The following TRMT61B variants were observed in gnomAD, a reference collection of about 807,000 sequenced individuals.
The protein encoded by TRMT61B is tRNA methyltransferase 61B.
TRMT61B carries 56 observed loss-of-function variants against 52.0 expected under a neutral mutation model. That is an observed-to-expected ratio of 1.08 (90% CI 0.87 to 1.35). The LOEUF is 1.35. TRMT61B is among the 40% of genes most tolerant of loss of function. TRMT61B has a pLI of 0.00. For synonymous variants in TRMT61B, 206 were observed against 220.0 expected (o/e 0.94, Z 0.56); for missense variants, 650 against 577.9 (o/e 1.12, Z -1.28).
intron 3 of TRMT61B, among the ~76,000 whole-genome samples, chr2:28,859,560 G>A (rs1361377974): frequency 6.6e-6 from 1 of 151,814 alleles, no homozygotes; most frequent in Admixed American, 6.6e-5. Context: ...TAATTCTTTG[G>A]TCCTAACGGT....
At chr2:28,857,232 C>G (rs1330944484) in intron 3 of TRMT61B, among the ~76,000 whole-genome samples, 1 of 145,876 alleles carries the variant, frequency 6.9e-6, no homozygotes, top group African/African-American at 2.5e-5. Flanking sequence ...TCATGCCTGG[C>G]CCACAGCTAT....
chr2:28,864,957 AT>A (rs1669767344), intron 2 of TRMT61B, 59 bp downstream of exon 2: 1 of 1,011,438 alleles, frequency 9.9e-7, no homozygotes, highest in South Asian at 1.3e-5. Flanking sequence ...CCTTTCTGTT[AT>A]TATGAACAAA....
Position 28,870,245 on chromosome 2 carries a change from C to G in TRMT61B, c.33G>C (p.Leu11Phe). 1 of 1,602,266 alleles carries G rather than the reference C, an allele frequency of 6.2e-7. No individual in the cohort carries two copies. The highest frequency in any genetic ancestry group is 8.5e-7 in the Non-Finnish European group (1 of 1,176,010). MLMAWCRGPV[L>F]LCLRQGLGTN... is the part of the protein sequence containing the mutation. The stretch of plus-strand genomic sequence containing the variant: ...TTCCGAGCCCCTGCCGCAGGCACAG[C>G]AAGACAGGACCGCGGCACCATGCCA... Residue 11 changes from leucine to phenylalanine, a missense_variant, in exon 1 of 7, where the codon TTG becomes TTC. Physicochemically the swap from Leu to Phe is conservative, Grantham distance 22 (BLOSUM62 0). Coordinates refer to ENST00000306108, the MANE Select transcript of TRMT61B (RefSeq NM_017910.4).
Position 28,869,742 on chromosome 2 carries a change from A to T in TRMT61B, c.536T>A (p.Leu179His). The T allele has an allele frequency of 6.2e-7, 1 of 1,614,194 alleles. No individual in the cohort carries two copies. Among genetic ancestry groups the T allele is most frequent in the Non-Finnish European group, 8.5e-7 (1 of 1,180,038 alleles). Residue 179 changes from leucine (L) to histidine (H), a missense_variant, in exon 1 of 7, where the codon CTC (leucine) becomes CAC (histidine). Transcript: ENST00000306108. ...GACTGCCCCCCAGTTACTATTTAAGAGTCCGAAGTTGTTCAACCTAAATAA... is the reference window on the plus strand; with the variant it reads ...GACTGCCCCCCAGTTACTATTTAAGTGTCCGAAGTTGTTCAACCTAAATAA... Reference protein sequence around the residue: ...KKLFRLNNFGLLNSNWGAVPF... With the variant: ...KKLFRLNNFGHLNSNWGAVPF...
intron 3 of TRMT61B, among the ~76,000 whole-genome samples, chr2:28,856,163 AC>A (rs1271595448): frequency 2.0e-5 from 3 of 151,982 alleles, no homozygotes; most frequent in African/African-American, 7.2e-5. Flanking sequence ...AGTTACTCAA[AC>A]CAGAAACTTA....
Position 28,850,247 on chromosome 2 carries a change from T to C in TRMT61B, c.1391-5A>G. On this transcript the variant is annotated splice_polypyrimidine_tract_variant and splice_region_variant and intron_variant, in intron 6 of 6. Coordinates refer to ENST00000306108, the MANE Select transcript of TRMT61B (RefSeq NM_017910.4). ...TCCTCAACTTGACAAGAAAAGCTAA[T>C]TTAAGAGAAGAAAAACATAAAGTCA... The C allele has an allele frequency of 6.2e-7, 1 of 1,611,038 alleles. No individual in the cohort carries two copies. Among genetic ancestry groups the C allele is most frequent in the South Asian group, 1.1e-5 (1 of 90,540 alleles).
intron 2 of TRMT61B, among the ~76,000 whole-genome samples, chr2:28,864,534 C>T (rs1021012514): frequency 2.1e-4 from 32 of 152,170 alleles, no homozygotes; most frequent in Admixed American, 1.4e-3. Context: ...TATATAAGTT[C>T]GAAGGAGGCA....
intron 3 of TRMT61B, among the ~76,000 whole-genome samples, chr2:28,860,612 A>C (rs1474256569): frequency 6.6e-6 from 1 of 151,900 alleles, no homozygotes; most frequent in African/African-American, 2.4e-5. Flanking sequence ...CTTCCTCACA[A>C]TGTCTCTGCT....
intron 3 of TRMT61B, among the ~76,000 whole-genome samples, chr2:28,860,684 CTCCCCTT>C (rs1669563298): frequency 2.0e-5 from 3 of 152,178 alleles, no homozygotes; most frequent in Admixed American, 2.0e-4. Flanking sequence ...AATGAACACA[CTCCCCTT>C]GATATCCTGA....
In TRMT61B at chr2:28,869,887, C is replaced by G. The variant is rs756901323; in HGVS notation, c.391G>C (p.Ala131Pro). Residue 131 changes from alanine (A) to proline (P), a missense_variant, in exon 1 of 7, where the codon GCT (alanine) becomes CCT (proline). Ala to Pro is a conservative substitution (Grantham distance 27). Coordinates refer to ENST00000306108, the MANE Select transcript of TRMT61B (RefSeq NM_017910.4). ...ACGTGACGCTCTTCGACCTCGGTAG[C>G]GGACTGGGCCTGCGAGAGCATCGAA... Reference protein sequence around the residue: ...DPSMLSQAQSATEVEERHVSP... With the variant: ...DPSMLSQAQSPTEVEERHVSP... 8.1e-6 allele frequency: 13 copies of G among 1,614,006 alleles called. No homozygotes were observed. The highest frequency in any genetic ancestry group is 5.0e-5 in the Admixed American group (3 of 59,978).
At chr2:28,863,758 G>C (rs1270266412) in intron 2 of TRMT61B, among the ~76,000 whole-genome samples, 1 of 152,150 alleles carries the variant, frequency 6.6e-6, no homozygotes, top group Non-Finnish European at 1.5e-5. Context: ...GTATAATCTA[G>C]ATAATATTCA....
chr2:28,850,229 C>T lies in TRMT61B; in HGVS notation c.1404G>A (p.Lys468=), dbSNP rs774178695. 4 of 1,611,878 alleles carry T rather than the reference C, an allele frequency of 2.5e-6. No homozygotes were observed. Among genetic ancestry groups the T allele is most frequent in the Non-Finnish European group, 3.4e-6 (4 of 1,179,100 alleles). The part of the protein sequence containing the change: ...WQPGHTAFLV[K]LRKVKPQLN ...TAAGTTGTGGTTTGACCTTCCTCAA[C>T]TTGACAAGAAAAGCTAATTTAAGAG... The change falls in exon 7 of 7, where the codon AAG becomes AAA. Residue 468 remains lysine (K), a synonymous_variant. Coordinates refer to ENST00000306108, the MANE Select transcript of TRMT61B (RefSeq NM_017910.4).
intron 5 of TRMT61B, 142 bp from the exon 6 acceptor site, chr2:28,850,547 C>A: frequency 1.7e-6 from 1 of 592,170 alleles, no homozygotes; most frequent in South Asian, 2.5e-5. Flanking sequence ...AGCTACTCTG[C>A]CAGTTATTAT....
intron 1 of TRMT61B, among the ~76,000 whole-genome samples, chr2:28,865,979 CT>C (rs1190995991): frequency 2.0e-5 from 3 of 150,254 alleles, no homozygotes; most frequent in Non-Finnish European, 1.5e-5. Context: ...GTGTGCCCAG[CT>C]CAAAATGATG....
In TRMT61B at chr2:28,861,184, ATT is replaced by A; in HGVS notation, c.925_926del (p.Asn309CysfsTer6). On this transcript the variant is annotated frameshift_variant, in exon 3 of 7. Transcript: ENST00000306108. LOFTEE classifies it high-confidence loss of function. ...KLSHVEEWPD[N>X]VDFIHKDISG... is the part of the protein sequence containing the mutation. ...AAATGTCCTTATGAATAAAATCCAC[ATT>A]GTCTGGCCACTCTTCTACATGACTT... 1.2e-6 allele frequency: 2 copies of A among 1,612,828 alleles called. No homozygotes were observed. Among genetic ancestry groups the A allele is most frequent in the Non-Finnish European group, 1.7e-6 (2 of 1,179,756 alleles).
Position 28,869,604 on chromosome 2 carries a change from CTT to C in TRMT61B, c.672_673del (p.Gly226AspfsTer10), listed in dbSNP as rs781391963. ...CTTTGGGAATGTTATGGCAGTCCCT[CTT>C]TTCATCAATACTACATAGTCTTCCA... On this transcript the variant is annotated frameshift_variant, in exon 1 of 7. Coordinates refer to ENST00000306108, the MANE Select transcript of TRMT61B (RefSeq NM_017910.4). LOFTEE classifies it high-confidence loss of function. The C allele has an allele frequency of 3.7e-6, 6 of 1,612,794 alleles. No homozygotes were observed. Among genetic ancestry groups the C allele is most frequent in the Non-Finnish European group, 5.1e-6 (6 of 1,179,072 alleles).
At chr2:28,860,290 A>T (rs1669547732) in intron 3 of TRMT61B, among the ~76,000 whole-genome samples, 1 of 141,912 alleles carries the variant, frequency 7.0e-6, no homozygotes, top group African/African-American at 3.0e-5. Flanking sequence ...AAAAAAAAAA[A>T]AAAAAAAAAA....
chr2:28,862,615 G>A (rs1169064236), intron 2 of TRMT61B, among the ~76,000 whole-genome samples: 1 of 151,650 alleles, frequency 6.6e-6, no homozygotes, highest in African/African-American at 2.4e-5. Flanking sequence ...TTACAGACGT[G>A]AGCCACCATG....
intron 4 of TRMT61B, 57 bp from the exon 5 acceptor site, chr2:28,851,355 T>G (rs1572527893): frequency 8.3e-7 from 1 of 1,208,698 alleles, no homozygotes; most frequent in East Asian, 2.6e-5. Flanking sequence ...TATATTTATT[T>G]AAGTTCCCTA....
Sources: gnomAD v4.1 joint callset for allele counts (sites outside exome capture counted in the v4.1 genomes callset) on GRCh38, gnomAD v4.1.1 for gene constraint, MANE v1.5 for transcripts, NCBI Gene and HGNC (gene_info 2026-07-23, HGNC 2026-07-21) for gene names.